The following DAAM2 variants were observed in gnomAD, a reference collection of about 807,000 sequenced individuals.
DAAM2 encodes dishevelled associated activator of morphogenesis 2.
In DAAM2, 39 loss-of-function variants were observed where a neutral mutation model predicts 120.7. That is an observed-to-expected ratio of 0.32 (90% confidence interval 0.25 to 0.42). The LOEUF is 0.42. Among genes scored for constraint, DAAM2 ranks in the 10% least tolerant of loss-of-function variants. The probability of loss-of-function intolerance (pLI) is 1.00; values close to 1 mark genes in which losing one functional copy is unlikely to be tolerated. For synonymous variants in DAAM2, 488 were observed against 524.9 expected (o/e 0.93, Z 0.96); for missense variants, 1,283 against 1,401.7 (o/e 0.92, Z 1.35).
intron 1 of DAAM2, among the ~76,000 whole-genome samples, chr6:39,841,407 A>C (rs1763334710): frequency 1.4e-5 from 2 of 144,840 alleles, no homozygotes; most frequent in African/African-American, 5.2e-5. Flanking sequence ...CTCCTTGGGG[A>C]AAGGTGGGGG....
chr6:39,874,308 TG>T (rs1365168680), intron 10 of DAAM2, among the ~76,000 whole-genome samples: 1 of 152,212 alleles, frequency 6.6e-6, no homozygotes, highest in Non-Finnish European at 1.5e-5. Context: ...ACGATTTTGC[TG>T]GGTGAAAAGT....
chr6:39,810,135 C>T (rs1191373838), intron 1 of DAAM2, among the ~76,000 whole-genome samples: 1 of 152,192 alleles, frequency 6.6e-6, no homozygotes, highest in East Asian at 1.9e-4. Flanking sequence ...TGGCCATACA[C>T]ATCAAAATTC....
intron 1 of DAAM2, among the ~76,000 whole-genome samples, chr6:39,816,141 T>C (rs1562000394): frequency 1.3e-5 from 2 of 152,248 alleles, no homozygotes; most frequent in Non-Finnish European, 2.9e-5. Flanking sequence ...ACACGTTGTA[T>C]TTTTTCTAGT....
At chr6:39,860,859 TG>T (rs1562032788) in intron 2 of DAAM2, 68 bp from the exon 3 acceptor site, 16 of 1,263,148 alleles carry the variant, frequency 1.3e-5, no homozygotes. Context: ...TGTAATTTCC[TG>T]CAGGGCTGAC....
chr6:39,852,187 G>A (rs75900192), intron 1 of DAAM2, among the ~76,000 whole-genome samples: 1,861 of 152,262 alleles, frequency 0.012, 35 homozygotes, highest in African/African-American at 0.04. Flanking sequence ...AATCTCTCTG[G>A]CCTGAGTTCA....
intron 1 of DAAM2, among the ~76,000 whole-genome samples, chr6:39,811,447 G>A (rs190724906): frequency 4.6e-5 from 7 of 152,228 alleles, no homozygotes; most frequent in African/African-American, 1.7e-4. Context: ...CAAAGTGCCT[G>A]TTCTCCTTCA....
intron 19 of DAAM2, among the ~76,000 whole-genome samples, chr6:39,893,246 G>A (rs574052506): frequency 9.2e-5 from 14 of 152,358 alleles, no homozygotes; most frequent in African/African-American, 3.4e-4. Context: ...GCTGGGTGCG[G>A]TGGCTGATGC....
intron 3 of DAAM2, chr6:39,861,493 A>C (rs1222662160): frequency 3.7e-6 from 1 of 273,230 alleles, no homozygotes; most frequent in African/African-American, 2.2e-5. Flanking sequence ...TTGCTCATTA[A>C]AAGATGCTGT....
intron 3 of DAAM2, chr6:39,861,228 G>T (rs537586160): frequency 1.6e-6 from 1 of 636,048 alleles, no homozygotes; most frequent in Non-Finnish European, 2.9e-6. Flanking sequence ...TTTCAAAAAC[G>T]CTTAAAGCAG....
At chr6:39,799,369 C>T (rs1237768309) in intron 1 of DAAM2, among the ~76,000 whole-genome samples, 1 of 152,132 alleles carries the variant, frequency 6.6e-6, no homozygotes, top group Non-Finnish European at 1.5e-5. Context: ...TTCGTTAGCA[C>T]CGTAATAGAA....
At position 39,896,863 on chromosome 6, in the gene DAAM2, T is replaced by C; in HGVS notation, c.2393T>C (p.Met798Thr). 9 of 1,613,528 alleles carry C rather than the reference T, an allele frequency of 5.6e-6. No individual in the cohort carries two copies. Among genetic ancestry groups the C allele is most frequent in the Non-Finnish European group, 7.6e-6 (9 of 1,179,666 alleles). ...ELVRSKRLRQ[M>T]LEVILAIGNF... ...GTCCGCAGCAAGCGTCTTAGACAGA[T>C]GCTAGAGGTCATCCTAGCCATAGGC... The change falls in exon 20 of 25, where the codon ATG (methionine) becomes ACG (threonine). Residue 798 changes from methionine (M) to threonine (T), a missense_variant. Transcript: ENST00000274867.
chr6:39,884,193 C>T, intron 15 of DAAM2, 124 bp downstream of exon 15: 1 of 622,826 alleles, frequency 1.6e-6, no homozygotes, highest in Non-Finnish European at 2.9e-6. Flanking sequence ...CCTCCATCTT[C>T]CCCTTCCCTT....
chr6:39,882,849 G>A (rs1317212723), intron 14 of DAAM2, among the ~76,000 whole-genome samples: 1 of 152,082 alleles, frequency 6.6e-6, no homozygotes, highest in Non-Finnish European at 1.5e-5. Flanking sequence ...CATTCCACAA[G>A]AGGGTCCCTG....
chr6:39,894,684 G>C (rs1041426812), intron 19 of DAAM2, among the ~76,000 whole-genome samples: 8 of 151,868 alleles, frequency 5.3e-5, no homozygotes, highest in African/African-American at 1.9e-4. Flanking sequence ...GCAGTGGTGT[G>C]ATCTTGGCTC....
In DAAM2 at chr6:39,888,748, G is replaced by C; in HGVS notation, c.2130G>C (p.Lys710Asn). 1 of 1,612,692 alleles carries C rather than the reference G, an allele frequency of 6.2e-7. No individual in the cohort carries two copies. The highest frequency in any genetic ancestry group is 8.5e-7 in the Non-Finnish European group (1 of 1,179,304). ...LKMDEQEDLAKDMLEQLLKFI... is the reference protein window; with the variant it reads ...LKMDEQEDLANDMLEQLLKFI... ...TGGATGAGCAGGAGGACCTTGCTAA[G>C]GACATGCTGGAGCAGGTGAGGACCC... is the stretch of plus-strand genomic sequence containing the variant. Residue 710 changes from lysine (K) to asparagine (N), a missense_variant, in exon 17 of 25, where the codon AAG becomes AAC. Around this residue, in one of 3 missense-constraint regions of DAAM2, gnomAD observed 748 missense variants for 768.6 expected, o/e 0.97. Transcript: ENST00000274867.
chr6:39,881,917 T>C (rs941265447), intron 14 of DAAM2: 1 of 152,118 alleles, frequency 6.6e-6, no homozygotes, highest in Non-Finnish European at 1.5e-5. Context: ...TCAGTTTCCT[T>C]TTATGTGACA....
chr6:39,839,053 G>A (rs1203833866), intron 1 of DAAM2, among the ~76,000 whole-genome samples: 1 of 151,596 alleles, frequency 6.6e-6, no homozygotes, highest in African/African-American at 2.4e-5. Context: ...CACAGAGATT[G>A]TTTTAATTGG....
intron 14 of DAAM2, among the ~76,000 whole-genome samples, chr6:39,883,125 T>C (rs958040544): frequency 1.3e-5 from 2 of 151,308 alleles, no homozygotes; most frequent in Non-Finnish European, 2.9e-5. Context: ...GAACACCCTG[T>C]CAGGAGCTTG....
rs112997952 is a variant in DAAM2, at chr6:39,904,578, G to GAAAT, written c.*2545_*2548dup. ...TCAGCAGCATTTCTCCCCTGTGATG[G>GAAAT]AAATAAAGTGTTTAGGGCAGTGGGA... is the stretch of plus-strand genomic sequence containing the variant. On this transcript the variant is annotated 3_prime_UTR_variant, in exon 25 of 25. Transcript: ENST00000274867. 0.15 allele frequency: 68,102 copies of GAAAT among 454,030 alleles called. 8,006 individuals are homozygous for GAAAT. Among genetic ancestry groups the GAAAT allele is most frequent in the East Asian group, 0.52 (7,488 of 14,346 alleles). The allele number at this position is 454,030 out of a possible 1,614,324, so 28.1% of individuals were successfully genotyped here.
Sources: allele counts gnomAD v4.1 joint callset (sites outside exome capture counted in the v4.1 genomes callset), GRCh38; gene constraint gnomAD v4.1.1; regional missense constraint gnomAD v4.1.1; transcripts MANE v1.5; gene names NCBI Gene and HGNC (gene_info 2026-07-23, HGNC 2026-07-21).